Variants in KIF1C observed in about 807,000 individuals in gnomAD.
The protein encoded by KIF1C is kinesin family member 1C.
In KIF1C, 61 loss-of-function variants were observed where a neutral mutation model predicts 126.5. That is an observed-to-expected ratio of 0.48 (90% CI 0.39 to 0.60). KIF1C has a LOEUF of 0.60. KIF1C is among the 20% of genes least tolerant of loss of function. KIF1C has a pLI of 0.00. For missense variants in KIF1C, 1,315 were observed against 1,489.2 expected (o/e 0.88, Z 1.93); for synonymous variants, 640 against 580.6 (o/e 1.10, Z -1.47).
At chr17:5,013,540 G>A (rs1974910149) in intron 16 of KIF1C, 113 bp from the exon 17 acceptor site, 1 of 723,370 alleles carries the variant, frequency 1.4e-6, no homozygotes, top group Non-Finnish European at 2.5e-6. Flanking sequence ...AGAGTGAGGG[G>A]GCGCAGCTGG....
At chr17:5,014,718 C>T (rs1248797173) in intron 17 of KIF1C, 25 bp from the exon 18 acceptor site, 1 of 1,551,382 alleles carries the variant, frequency 6.4e-7, no homozygotes, top group Admixed American at 1.9e-5. Context: ...CACATGCTCA[C>T]AAACGTTGGC....
intron 18 of KIF1C, among the ~76,000 whole-genome samples, chr17:5,018,354 CCT>C (rs1975022582): frequency 6.6e-6 from 1 of 150,782 alleles, no homozygotes; most frequent in African/African-American, 2.5e-5. Flanking sequence ...TTTTTCCCCC[CCT>C]CTTCTTTTAG....
rs555393703 is a variant in KIF1C at position 5,001,335 on chromosome 17, C to T, written c.297C>T (p.Thr99=). Residue 99 remains threonine, a synonymous_variant, in exon 5 of 23, where the codon ACC becomes ACT. Transcript: ENST00000320785. The part of the protein sequence containing the change: ...YNVCIFAYGQ[T]GAGKSYTMMG... Reference sequence around the variant, plus strand: ...TGTGCATCTTTGCCTATGGGCAGACCGGGGCTGGGAAATCCTATACCATGA... The same window carrying T: ...TGTGCATCTTTGCCTATGGGCAGACTGGGGCTGGGAAATCCTATACCATGA... 56 of 1,614,130 alleles carry T rather than the reference C, an allele frequency of 3.5e-5. No homozygotes were observed. Among genetic ancestry groups the T allele is most frequent in the South Asian group, 1.1e-4 (10 of 91,084 alleles).
chr17:5,006,986 C>T lies in KIF1C; in HGVS notation c.1237C>T (p.Pro413Ser), dbSNP rs1974748897. The T allele has an allele frequency of 6.2e-7, 1 of 1,611,866 alleles. No individual in the cohort carries two copies. Among genetic ancestry groups the T allele is most frequent in the Non-Finnish European group, 8.5e-7 (1 of 1,179,416 alleles). ...AVSSPPAPVS[P>S]SSPTTHNGEL... ...GTCATCTCCCCCAGCTCCAGTTTCACCCTCATCACCCACCACACATAATGG... is the reference window on the plus strand; with the variant it reads ...GTCATCTCCCCCAGCTCCAGTTTCATCCTCATCACCCACCACACATAATGG... The change falls in exon 14 of 23, where the codon CCC becomes TCC. Residue 413 changes from proline (P) to serine (S), a missense_variant. This residue lies in a region of KIF1C where 874 missense variants were observed against 1,053.2 expected (regional missense o/e 0.83). Coordinates refer to ENST00000320785, the MANE Select transcript of KIF1C (RefSeq NM_006612.6).
rs753056263 is a variant in KIF1C at position 5,023,454 on chromosome 17, C to A, written c.2629-14C>A. The A allele has an allele frequency of 4.3e-6, 7 of 1,610,220 alleles. No homozygotes were observed. The South Asian group carries it at 7.7e-5, about 18-fold the overall frequency. On this transcript the variant is annotated splice_polypyrimidine_tract_variant and intron_variant, in intron 22 of 22. Coordinates refer to ENST00000320785, the MANE Select transcript of KIF1C (RefSeq NM_006612.6). This position sits in a 1 kb window ranked among gnomAD's most constrained non-coding sequence, Gnocchi z 4.2. ...CCTCACATCCCTTCTCCTTTTCTCA[C>A]TCCTCCCTCCCAGGATCATGAGGAT...
chr17:5,019,042 C>T (rs1035429301), intron 18 of KIF1C, among the ~76,000 whole-genome samples: 2 of 152,116 alleles, frequency 1.3e-5, no homozygotes, highest in Admixed American at 6.6e-5. Context: ...CCTTGGCTGC[C>T]CCTCTCCCCA....
chr17:5,019,944 C>A, intron 18 of KIF1C, 52 bp from the exon 19 acceptor site: 1 of 1,448,462 alleles, frequency 6.9e-7, no homozygotes, highest in Non-Finnish European at 9.5e-7. Context: ...GTGACCATGA[C>A]CCACCTTCCT....
At chr17:5,015,385 G>C (rs1259672893) in intron 18 of KIF1C, among the ~76,000 whole-genome samples, 2 of 151,920 alleles carry the variant, frequency 1.3e-5, no homozygotes, top group East Asian at 3.9e-4. Context: ...CCGGGTTCAA[G>C]CAATTCTCCT....
chr17:5,016,065 G>T (rs1160151143), intron 18 of KIF1C, among the ~76,000 whole-genome samples: 1 of 152,106 alleles, frequency 6.6e-6, no homozygotes, highest in East Asian at 1.9e-4. Context: ...TGTGTGTGTT[G>T]TGCCTCAGAG....
Position 5,004,553 on chromosome 17 carries a change from C to T in KIF1C, c.941-14C>T. 1 of 1,613,380 alleles carries T rather than the reference C, an allele frequency of 6.2e-7. No individual in the cohort carries two copies. Among genetic ancestry groups the T allele is most frequent in the Non-Finnish European group, 8.5e-7 (1 of 1,179,390 alleles). On this transcript the variant is annotated splice_polypyrimidine_tract_variant and intron_variant, in intron 11 of 22. Coordinates refer to ENST00000320785, the MANE Select transcript of KIF1C (RefSeq NM_006612.6). Reference sequence around the variant, plus strand: ...CTCCCTCAGCTGAAGCTTTTCCATGCACTCCATTCACAGGGGGGAACTCAC... The same window carrying T: ...CTCCCTCAGCTGAAGCTTTTCCATGTACTCCATTCACAGGGGGGAACTCAC...
chr17:4,997,963 C>T lies in KIF1C; in HGVS notation c.-342C>T, dbSNP rs1029859932. On this transcript the variant is annotated 5_prime_UTR_variant, in exon 1 of 23. Transcript: ENST00000320785. The stretch of plus-strand genomic sequence containing the variant: ...CGCTCCCGCCCCAGCTCGCGCTGCC[C>T]GGGCGGGCGCCGGCCGCTGGCGCCG... The T allele has an allele frequency of 1.4e-5, 2 of 147,912 alleles. No individual in the cohort carries two copies. Among genetic ancestry groups the T allele is most frequent in the Non-Finnish European group, 3.0e-5 (2 of 66,464 alleles). 9.2% of individuals were successfully genotyped at this position (147,912 alleles called of 1,614,324 possible).
chr17:5,009,616 G>A (rs1239844213), intron 16 of KIF1C, among the ~76,000 whole-genome samples: 3 of 151,372 alleles, frequency 2.0e-5, no homozygotes, highest in Admixed American at 6.6e-5. Context: ...GTGAAACCCC[G>A]TCTCTACTAC....
At chr17:5,010,724 G>A (rs969354617) in intron 16 of KIF1C, among the ~76,000 whole-genome samples, 1 of 151,104 alleles carries the variant, frequency 6.6e-6, no homozygotes, top group African/African-American at 2.4e-5. Context: ...TCCAGCCCAG[G>A]TGACAGAGCG....
Position 5,001,278 on chromosome 17 carries a change from G to C in KIF1C, c.240G>C (p.Glu80Asp), listed in dbSNP as rs747410405. 5 of 1,614,148 alleles carry C rather than the reference G, an allele frequency of 3.1e-6. No homozygotes were observed. The highest frequency in any genetic ancestry group is 4.2e-6 in the Non-Finnish European group (5 of 1,179,990). ...QQQVYRDIGE[E>D]MLLHAFEGYN... Reference sequence around the variant, plus strand: ...AAGTGTATCGGGACATTGGAGAAGAGATGCTGCTCCACGCCTTTGAAGGCT... The same window carrying C: ...AAGTGTATCGGGACATTGGAGAAGACATGCTGCTCCACGCCTTTGAAGGCT... The change falls in exon 5 of 23, where the codon GAG (glutamate) becomes GAC (aspartate). Residue 80 changes from glutamate to aspartate, a missense_variant. Glu to Asp is a conservative substitution (Grantham distance 45). Around this residue, in one of 2 missense-constraint regions of KIF1C, gnomAD observed 874 missense variants for 1,053.2 expected, o/e 0.83. Transcript: ENST00000320785.
chr17:5,007,685 C>G (rs1567723047), intron 16 of KIF1C, 143 bp downstream of exon 16: 1 of 556,178 alleles, frequency 1.8e-6, no homozygotes, highest in Non-Finnish European at 3.1e-6. Context: ...TGTCCCCTCC[C>G]CTGCCACCTC....
Position 5,024,081 on chromosome 17 carries a change from A to T in KIF1C, c.3242A>T (p.Tyr1081Phe), listed in dbSNP as rs764889837. Residue 1081 changes from tyrosine (Y) to phenylalanine (F), a missense_variant, in exon 23 of 23, where the codon TAC (tyrosine) becomes TTC (phenylalanine). Tyr to Phe is a conservative substitution (Grantham distance 22). Around this residue, in one of 2 missense-constraint regions of KIF1C, gnomAD observed 441 missense variants for 436.1 expected, o/e 1.01. Coordinates refer to ENST00000320785, the MANE Select transcript of KIF1C (RefSeq NM_006612.6). ...QRPPGPRYPP[Y>F]TTPPRMRRQR... ...CCCCCAGGGCCCCGCTACCCCCCAT[A>T]CACTACTCCCCCACGAATGAGACGG... The T allele has an allele frequency of 1.2e-6, 2 of 1,605,170 alleles. No individual in the cohort carries two copies. Among genetic ancestry groups the T allele is most frequent in the South Asian group, 2.2e-5 (2 of 90,218 alleles).
Position 5,023,772 on chromosome 17 carries a change from G to T in KIF1C, c.2933G>T (p.Arg978Leu). 1 of 1,522,352 alleles carries T rather than the reference G, an allele frequency of 6.6e-7. No individual in the cohort carries two copies. The highest frequency in any genetic ancestry group is 2.3e-5 in the Admixed American group (1 of 44,406). The allele number at this position is 1,522,352 out of a possible 1,614,324, so 94.3% of individuals were successfully genotyped here. A position where few individuals can be genotyped will look rare whatever the true frequency, so the allele number is the denominator to read the frequency against. ...RFVPPHDCKL[R>L]FPFKSNPQHR... ...GTGCCCCCTCACGACTGCAAGCTAC[G>T]CTTCCCCTTCAAGAGCAACCCCCAG... Residue 978 changes from arginine to leucine, a missense_variant, in exon 23 of 23, where the codon CGC (arginine) becomes CTC (leucine). By Grantham distance (102) the Arg-to-Leu change is moderately radical (BLOSUM62 -2). Around this residue, in one of 2 missense-constraint regions of KIF1C, gnomAD observed 441 missense variants for 436.1 expected, o/e 1.01. Transcript: ENST00000320785. This position sits in a 1 kb window ranked among gnomAD's most constrained non-coding sequence, Gnocchi z 4.2.
Position 5,007,209 on chromosome 17 carries a change from C to T in KIF1C, c.1336-54C>T, listed in dbSNP as rs572321547. ...TGGCCCCAGGGTAGGTTGTCCCTAC[C>T]CTGGGTCTGCTTGTCCCAGACCATC... On this transcript the variant is annotated intron_variant, in intron 14 of 22. Coordinates refer to ENST00000320785, the MANE Select transcript of KIF1C (RefSeq NM_006612.6). 6 of 1,575,110 alleles carry T rather than the reference C, an allele frequency of 3.8e-6. 1 individual carries two copies. Among genetic ancestry groups the T allele is most frequent in the Non-Finnish European group, 5.2e-6 (6 of 1,154,106 alleles).
chr17:5,003,428 A>G (rs574296186), intron 8 of KIF1C, among the ~76,000 whole-genome samples, 184 bp from the exon 9 acceptor site: 3 of 152,168 alleles, frequency 2.0e-5, no homozygotes, highest in South Asian at 4.1e-4. Context: ...GCTATTTGTA[A>G]TTGAGTGAGT....
Sources: allele counts gnomAD v4.1 joint callset (sites outside exome capture counted in the v4.1 genomes callset), GRCh38; gene constraint gnomAD v4.1.1; regional missense constraint gnomAD v4.1.1; non-coding constraint Gnocchi (gnomAD v3.1); transcripts MANE v1.5; gene names NCBI Gene and HGNC (gene_info 2026-07-23, HGNC 2026-07-21).